The following MCTP1 variants were observed in gnomAD, a reference collection of about 807,000 sequenced individuals.
MCTP1 encodes the protein multiple C2 and transmembrane domain containing 1.
In MCTP1, 69 loss-of-function variants were observed where a neutral mutation model predicts 120.6. The observed-to-expected ratio is 0.57, with a 90% CI of 0.47 to 0.70. MCTP1 has a LOEUF of 0.70. Among genes scored for constraint, MCTP1 ranks in the 30% least tolerant of loss-of-function variants. The probability of loss-of-function intolerance (pLI) is 0.00; values close to 1 mark genes in which losing one functional copy is unlikely to be tolerated. For synonymous variants in MCTP1, 529 were observed against 493.1 expected, an observed-to-expected ratio of 1.07 and a Z score of -0.96; for missense variants, 1,203 against 1,248.8, an observed-to-expected ratio of 0.96 and a Z score of 0.55.
At chr5:94,741,464 T>C (rs1322637448) in intron 19 of MCTP1, among the ~76,000 whole-genome samples, 1 of 152,212 alleles carries the variant, frequency 6.6e-6, no homozygotes, top group Non-Finnish European at 1.5e-5. Context: ...TGACTTGACT[T>C]CTCTTTTTGT....
intron 3 of MCTP1, among the ~76,000 whole-genome samples, chr5:94,950,062 C>T (rs1476713148): frequency 1.3e-5 from 2 of 150,794 alleles, no homozygotes; most frequent in African/African-American, 4.9e-5. Flanking sequence ...TCAAAAAAAG[C>T]CCTAGGCATT....
chr5:95,139,184 C>G (rs1347953141), intron 1 of MCTP1, among the ~76,000 whole-genome samples: 1 of 152,102 alleles, frequency 6.6e-6, no homozygotes, highest in Non-Finnish European at 1.5e-5. Flanking sequence ...AATAAAAACT[C>G]TAAGCATAGA....
Position 94,765,278 on chromosome 5 carries a change from C to T in MCTP1, c.2610+13832G>A, listed in dbSNP as rs191062908. On this transcript the variant is annotated intron_variant, in intron 19 of 22. Transcript: ENST00000515393. ...CGAGGGCCATTTATAGAAATAAATGCCAATATATATAAAGTAGAAAGATTT... is the reference window on the plus strand; with the variant it reads ...CGAGGGCCATTTATAGAAATAAATGTCAATATATATAAAGTAGAAAGATTT... Among the ~76,000 whole-genome samples the T allele has an allele frequency of 3.4e-4, 52 of 152,016 alleles. No homozygotes were observed. The East Asian group carries it at 9.5e-3, about 28-fold the overall frequency.
intron 1 of MCTP1, among the ~76,000 whole-genome samples, chr5:95,184,318 A>G (rs936915540): frequency 2.0e-5 from 3 of 152,242 alleles, no homozygotes; most frequent in Admixed American, 6.5e-5. Flanking sequence ...TGAATCCATA[A>G]TCAAAAAGTT....
chr5:94,983,947 G>T (rs933023639), intron 2 of MCTP1, among the ~76,000 whole-genome samples: 1 of 152,136 alleles, frequency 6.6e-6, no homozygotes, highest in Admixed American at 6.5e-5. Flanking sequence ...ATCCAGCAGT[G>T]CTCAGGACAT....
At chr5:94,919,922 A>G (rs1162548938) in intron 7 of MCTP1, among the ~76,000 whole-genome samples, 1 of 152,196 alleles carries the variant, frequency 6.6e-6, no homozygotes, top group Non-Finnish European at 1.5e-5. Context: ...TCTTATAATA[A>G]AGCTTTGATC....
chr5:95,211,437 A>G (rs1323359255), intron 1 of MCTP1, among the ~76,000 whole-genome samples: 1 of 151,790 alleles, frequency 6.6e-6, no homozygotes, highest in Non-Finnish European at 1.5e-5. Context: ...ATCTTCCATC[A>G]CTGATACCCT....
At chr5:94,794,123 C>T (rs909847540) in intron 18 of MCTP1, among the ~76,000 whole-genome samples, 5 of 152,178 alleles carry the variant, frequency 3.3e-5, no homozygotes. Flanking sequence ...CATTGATCTG[C>T]CCCACTCTTC....
intron 17 of MCTP1, among the ~76,000 whole-genome samples, chr5:94,819,275 G>A (rs555445220): frequency 2.0e-5 from 3 of 151,840 alleles, no homozygotes; most frequent in South Asian, 2.1e-4. Flanking sequence ...GATTACAGGC[G>A]TGTGCCACCA....
At chr5:94,833,411 A>G (rs1789005720) in intron 17 of MCTP1, among the ~76,000 whole-genome samples, 2 of 152,190 alleles carry the variant, frequency 1.3e-5, no homozygotes, top group South Asian at 4.1e-4. Flanking sequence ...ACTATTATCT[A>G]AAGACTGAAA....
At chr5:94,762,323 C>A (rs1393893697) in intron 19 of MCTP1, among the ~76,000 whole-genome samples, 1 of 152,194 alleles carries the variant, frequency 6.6e-6, no homozygotes, top group Non-Finnish European at 1.5e-5. Flanking sequence ...CTTCCAGCAT[C>A]ATATTGTCCT....
intron 1 of MCTP1, among the ~76,000 whole-genome samples, chr5:95,166,668 C>T (rs564071887): frequency 5.3e-5 from 8 of 150,590 alleles, no homozygotes; most frequent in South Asian, 4.2e-4. Context: ...CCCGGGTTCA[C>T]GCCATTCTCC....
At chr5:95,015,283 C>T (rs560239165) in intron 2 of MCTP1, among the ~76,000 whole-genome samples, 6 of 152,130 alleles carry the variant, frequency 3.9e-5, no homozygotes, top group African/African-American at 1.2e-4. Context: ...ATAGCTACTT[C>T]GGTTAGTGGT....
intron 1 of MCTP1, among the ~76,000 whole-genome samples, chr5:95,036,723 G>A (rs1171186339): frequency 6.6e-6 from 1 of 152,210 alleles, no homozygotes; most frequent in African/African-American, 2.4e-5. Context: ...TAAAAAGAAT[G>A]TGAAAAATAT....
chr5:94,942,590 C>T (rs553969771), intron 3 of MCTP1, among the ~76,000 whole-genome samples, 163 bp from the exon 4 acceptor site: 16 of 151,840 alleles, frequency 1.1e-4, no homozygotes, highest in Non-Finnish European at 2.1e-4. Context: ...TAGAGTCTCA[C>T]GAAACACTTA....
intron 5 of MCTP1, among the ~76,000 whole-genome samples, chr5:94,935,317 T>C (rs956200073): frequency 6.6e-6 from 1 of 151,996 alleles, no homozygotes; most frequent in African/African-American, 2.4e-5. Flanking sequence ...TTTACTGATT[T>C]CTAGAACTGG....
At chr5:94,892,059 A>G (rs1477123358) in intron 11 of MCTP1, among the ~76,000 whole-genome samples, 3 of 151,998 alleles carry the variant, frequency 2.0e-5, no homozygotes, top group African/African-American at 7.3e-5. Context: ...TGTCAGGGAG[A>G]GCATCTCAGT....
intron 12 of MCTP1, among the ~76,000 whole-genome samples, chr5:94,877,441 C>T (rs980792526): frequency 2.0e-5 from 3 of 151,962 alleles, no homozygotes; most frequent in African/African-American, 7.3e-5. Context: ...ACTTGAGAGA[C>T]TCTTTTACCC....
In MCTP1 at chr5:94,706,338, T is replaced by TAAGTA. The variant is rs1561494846; in HGVS notation, c.*1153_*1157dup. 6.6e-6 allele frequency: 1 copy of TAAGTA among 151,640 alleles called. No homozygotes were observed. The highest frequency in any genetic ancestry group is 1.5e-5 in the Non-Finnish European group (1 of 67,764). The allele number at this position is 151,640 out of a possible 1,614,324, so 9.4% of individuals were successfully genotyped here. A position where few individuals can be genotyped will look rare whatever the true frequency, so the allele number is the denominator to read the frequency against. On this transcript the variant is annotated 3_prime_UTR_variant, in exon 23 of 23. Coordinates refer to ENST00000515393, the MANE Select transcript of MCTP1 (RefSeq NM_024717.7). ...TTAAGAGTCTTGGGAATGCAATTTT[T>TAAGTA]AAGTATAGATTCTATGATAATAGTG...
Sources: gnomAD v4.1 joint callset for allele counts (sites outside exome capture counted in the v4.1 genomes callset) on GRCh38, gnomAD v4.1.1 for gene constraint, MANE v1.5 for transcripts, NCBI Gene and HGNC (gene_info 2026-07-23, HGNC 2026-07-21) for gene names.